Variants in GDF3 observed in about 807,000 individuals in gnomAD.
GDF3 encodes the protein growth/differentiation factor 3.
In GDF3, 10 loss-of-function variants were observed where a neutral mutation model predicts 10.2. That is an observed-to-expected ratio of 0.98 (90% CI 0.60 to 1.66). GDF3 has a LOEUF of 1.66. Among genes scored for constraint, GDF3 ranks in the 40% most tolerant of loss-of-function variants. GDF3 has a pLI of 0.00. For synonymous variants in GDF3, 166 were observed against 178.5 expected (o/e 0.93, Z 0.56); for missense variants, 450 against 438.3 (o/e 1.03, Z -0.24).
At chr12:7,691,727 G>A (rs1390378657) in intron 1 of GDF3, among the ~76,000 whole-genome samples, 1 of 150,708 alleles carries the variant, frequency 6.6e-6, no homozygotes, top group African/African-American at 2.4e-5. Context: ...TATTTTAAAA[G>A]CCAGGCGTGG....
In GDF3 at chr12:7,690,093, G is replaced by A; in HGVS notation, c.880C>T (p.His294Tyr). The change falls in exon 2 of 2, where the codon CAT becomes TAT. Residue 294 changes from histidine to tyrosine, a missense_variant. Transcript: ENST00000329913. Reference sequence around the variant, plus strand: ...GTCAGTGAGAAGGGACACTCTCCATGGCAGTAATTTGCCATGAACCCCTTG... The same window carrying A: ...GTCAGTGAGAAGGGACACTCTCCATAGCAGTAATTTGCCATGAACCCCTTG... ...APKGFMANYC[H>Y]GECPFSLTIS... 6.2e-7 allele frequency: 1 copy of A among 1,614,074 alleles called. No homozygotes were observed. Among genetic ancestry groups the A allele is most frequent in the African/African-American group, 1.3e-5 (1 of 75,030 alleles).
At chr12:7,691,282 T>G (rs1864127561) in intron 1 of GDF3, among the ~76,000 whole-genome samples, 1 of 152,198 alleles carries the variant, frequency 6.6e-6, no homozygotes, top group East Asian at 1.9e-4. Context: ...CACTAAACTC[T>G]AAATGAAATT....
rs1232452745 is a variant in GDF3 at position 7,690,173 on chromosome 12, T to C, written c.800A>G (p.His267Arg). The change falls in exon 2 of 2, where the codon CAC (histidine) becomes CGC (arginine). Residue 267 changes from histidine (H) to arginine (R), a missense_variant. By Grantham distance (29) the His-to-Arg change is conservative. Coordinates refer to ENST00000329913, the MANE Select transcript of GDF3 (RefSeq NM_020634.3). ...KLSCKNLCHR[H>R]QLFINFRDLG... ...GTCCCGGAAGTTAATGAATAGCTGGTGACGGTGGCAGAGGTTCTTACAAGA... is the reference window on the plus strand; with the variant it reads ...GTCCCGGAAGTTAATGAATAGCTGGCGACGGTGGCAGAGGTTCTTACAAGA... The C allele has an allele frequency of 1.2e-6, 2 of 1,614,168 alleles. No individual in the cohort carries two copies. Among genetic ancestry groups the C allele is most frequent in the Admixed American group, 3.3e-5 (2 of 59,996 alleles).
chr12:7,689,967 G>T lies in GDF3; in HGVS notation c.1006C>A (p.Pro336Thr), dbSNP rs1485854651. The change falls in exon 2 of 2, where the codon CCC becomes ACC. Residue 336 changes from proline (P) to threonine (T), a missense_variant. Physicochemically the swap from Pro to Thr is conservative, Grantham distance 38 (BLOSUM62 -1). Coordinates refer to ENST00000329913, the MANE Select transcript of GDF3 (RefSeq NM_020634.3). The part of the protein sequence containing the change: ...QAVCIPTKLS[P>T]ISMLYQDNND... Reference sequence around the variant, plus strand: ...TTGTCCTGGTAGAGCATGGAAATGGGAGACAGCTTGGTGGGGATACACACA... The same window carrying T: ...TTGTCCTGGTAGAGCATGGAAATGGTAGACAGCTTGGTGGGGATACACACA... 3 of 1,613,888 alleles carry T rather than the reference G, an allele frequency of 1.9e-6. No individual in the cohort carries two copies. Among genetic ancestry groups the T allele is most frequent in the Non-Finnish European group, 2.5e-6 (3 of 1,179,812 alleles).
intron 1 of GDF3, among the ~76,000 whole-genome samples, chr12:7,693,611 C>A (rs1266871114): frequency 6.6e-6 from 1 of 151,590 alleles, no homozygotes; most frequent in Non-Finnish European, 1.5e-5. Context: ...CTCTTAAGCA[C>A]CCCACCACCA....
chr12:7,695,381 T>C, intron 1 of GDF3, 80 bp downstream of exon 1: 1 of 1,284,312 alleles, frequency 7.8e-7, no homozygotes, highest in Non-Finnish European at 1.1e-6. Flanking sequence ...CCATCAGTAA[T>C]TGTCATTTCC....
At chr12:7,692,294 G>GTGGC (rs1565449492) in intron 1 of GDF3, among the ~76,000 whole-genome samples, 1 of 151,880 alleles carries the variant, frequency 6.6e-6, no homozygotes, top group Admixed American at 6.6e-5. Context: ...GCCGGGCAGG[G>GTGGC]TGGCACATGC....
intron 1 of GDF3, 32 bp downstream of exon 1, chr12:7,695,429 A>G (rs1160282570): frequency 1.2e-6 from 2 of 1,603,976 alleles, no homozygotes. Flanking sequence ...CCAGTTCCAG[A>G]TGTTTTTCTG....
At chr12:7,692,980 A>G (rs751538804) in intron 1 of GDF3, among the ~76,000 whole-genome samples, 1 of 152,046 alleles carries the variant, frequency 6.6e-6, no homozygotes, top group Admixed American at 6.6e-5. Context: ...ATTTTTGTCC[A>G]TGGATGCCCC....
Position 7,690,354 on chromosome 12 carries a change from T to G in GDF3, c.619A>C (p.Lys207Gln). The G allele has an allele frequency of 6.2e-7, 1 of 1,614,090 alleles. No individual in the cohort carries two copies. The highest frequency in any genetic ancestry group is 8.5e-7 in the Non-Finnish European group (1 of 1,179,952). Residue 207 changes from lysine (K) to glutamine (Q), a missense_variant, in exon 2 of 2, where the codon AAA becomes CAA. Coordinates refer to ENST00000329913, the MANE Select transcript of GDF3 (RefSeq NM_020634.3). Reference protein sequence around the residue: ...NFGLFLEILVKEDRDSGVNFQ... With the variant: ...NFGLFLEILVQEDRDSGVNFQ... Reference sequence around the variant, plus strand: ...TTCACCCCTGAGTCTCTATCTTCTTTGACCAGTATCTCCAGGAATAACCCG... The same window carrying G: ...TTCACCCCTGAGTCTCTATCTTCTTGGACCAGTATCTCCAGGAATAACCCG...
At position 7,689,877 on chromosome 12, in the gene GDF3, C is replaced by A. The variant is rs1475182091; in HGVS notation, c.*1G>T. On this transcript the variant is annotated 3_prime_UTR_variant, in exon 2 of 2. Transcript: ENST00000329913. ...CTCCTTCTATTCCCATTTCTGACAT[C>A]CTACCCACACCCACATTCATCGACT... is the stretch of plus-strand genomic sequence containing the variant. The A allele has an allele frequency of 6.3e-7, 1 of 1,590,310 alleles. No homozygotes were observed. Among genetic ancestry groups the A allele is most frequent in the Non-Finnish European group, 8.6e-7 (1 of 1,158,516 alleles).
chr12:7,690,514 A>G lies in GDF3; in HGVS notation c.459T>C (p.Pro153=). 6.2e-7 allele frequency: 1 copy of G among 1,612,796 alleles called. No homozygotes were observed. Among genetic ancestry groups the G allele is most frequent in the Non-Finnish European group, 8.5e-7 (1 of 1,178,984 alleles). The change falls in exon 2 of 2, where the codon CCT becomes CCC. Residue 153 remains proline, a synonymous_variant. Coordinates refer to ENST00000329913, the MANE Select transcript of GDF3 (RefSeq NM_020634.3). ...LELALFLVQE[P]HVWGQTTPKP... is the part of the protein sequence containing the mutation. ...TAGGGGTGGTCTGGCCCCACACATG[A>G]GGCTCCTGAACCAGGAACAGAGCCA...
chr12:7,694,084 T>C (rs989703328), intron 1 of GDF3, among the ~76,000 whole-genome samples: 4 of 152,122 alleles, frequency 2.6e-5, no homozygotes, highest in African/African-American at 7.2e-5. Context: ...CAAGAGTGCA[T>C]GCTCTAGAAG....
intron 1 of GDF3, among the ~76,000 whole-genome samples, chr12:7,693,981 A>T (rs1258404379): frequency 6.6e-6 from 1 of 152,084 alleles, no homozygotes; most frequent in African/African-American, 2.4e-5. Flanking sequence ...AGGAAGAACA[A>T]GAGGAAGAAG....
At chr12:7,691,064 G>C (rs976824094) in intron 1 of GDF3, among the ~76,000 whole-genome samples, 7 of 151,726 alleles carry the variant, frequency 4.6e-5, no homozygotes, top group African/African-American at 1.7e-4. Flanking sequence ...GCAGGAGAAT[G>C]GCGTGAACCC....
At position 7,689,898 on chromosome 12, in the gene GDF3, C is replaced by T. The variant is rs768472899; in HGVS notation, c.1075G>A (p.Asp359Asn). The change falls in exon 2 of 2, where the codon GAT (aspartate) becomes AAT (asparagine). Residue 359 changes from aspartate to asparagine, a missense_variant. Transcript: ENST00000329913. ...ILRHYEDMVV[D>N]ECGCG ...ACATCCTACCCACACCCACATTCATCGACTACCATGTCTTCATAATGTCGT... is the reference window on the plus strand; with the variant it reads ...ACATCCTACCCACACCCACATTCATTGACTACCATGTCTTCATAATGTCGT... 1.4e-4 allele frequency: 229 copies of T among 1,610,756 alleles called. No homozygotes were observed. Among genetic ancestry groups the T allele is most frequent in the Middle Eastern group, 1.6e-4 (1 of 6,084 alleles).
chr12:7,695,112 G>A (rs1422546717), intron 1 of GDF3, among the ~76,000 whole-genome samples: 1 of 152,078 alleles, frequency 6.6e-6, no homozygotes, highest in Non-Finnish European at 1.5e-5. Flanking sequence ...GCTGCAGGGT[G>A]GGAGACTGAG....
Position 7,690,238 on chromosome 12 carries a change from A to C in GDF3, c.735T>G (p.Pro245=), listed in dbSNP as rs1864111451. 6.2e-7 allele frequency: 1 copy of C among 1,614,026 alleles called. No individual in the cohort carries two copies. Among genetic ancestry groups the C allele is most frequent in the Non-Finnish European group, 8.5e-7 (1 of 1,180,022 alleles). Residue 245 remains proline, a synonymous_variant, in exon 2 of 2, where the codon CCT becomes CCG. Transcript: ENST00000329913. The part of the protein sequence containing the change: ...VVTLNPDQCH[P]SRKRRAAIPV... ...GGATGGCTGCTCTCCTTTTCCGAGA[A>C]GGGTGGCACTGATCAGGGTTGAGAG... is the stretch of plus-strand genomic sequence containing the variant.
In GDF3 at chr12:7,695,485, C is replaced by T; in HGVS notation, c.244G>A (p.Val82Ile). The T allele has an allele frequency of 1.2e-6, 2 of 1,614,106 alleles. No individual in the cohort carries two copies. Among genetic ancestry groups the T allele is most frequent in the Non-Finnish European group, 1.7e-6 (2 of 1,179,996 alleles). The part of the protein sequence containing the change: ...YVKELGVRGN[V>I]LRFLPDQGFF... ...CCTTGGTCTGGGAGAAAGCGAAGTA[C>T]ATTCCCGCGGACGCCCAGCTCCTTT... The change falls in exon 1 of 2, where the codon GTA (valine) becomes ATA (isoleucine). Residue 82 changes from valine to isoleucine, a missense_variant. Coordinates refer to ENST00000329913, the MANE Select transcript of GDF3 (RefSeq NM_020634.3).
Sources: allele counts gnomAD v4.1 joint callset (sites outside exome capture counted in the v4.1 genomes callset), GRCh38; gene constraint gnomAD v4.1.1; transcripts MANE v1.5; gene names NCBI Gene and HGNC (gene_info 2026-07-23, HGNC 2026-07-21).